CSMD3: variants seen among roughly 807,000 people sequenced by gnomAD.
The protein encoded by CSMD3 is CUB and sushi domain-containing protein 3.
Under a neutral mutation model 435.2 loss-of-function variants are expected in CSMD3, and 177 were observed. The ratio of observed to expected loss-of-function variants is 0.41; its 90% CI spans 0.36 to 0.46. CSMD3 has a LOEUF of 0.46. CSMD3 is among the 20% of genes least tolerant of loss of function. CSMD3 has a pLI of 0.34. For missense variants in CSMD3, 4,265 were observed against 4,504.6 expected, an observed-to-expected ratio of 0.95 and a Z score of 1.52; for synonymous variants, 1,656 against 1,520.5, an observed-to-expected ratio of 1.09 and a Z score of -2.07.
intron 4 of CSMD3, among the ~76,000 whole-genome samples, chr8:113,105,258 G>T (rs1410296901): frequency 6.6e-5 from 10 of 152,048 alleles, no homozygotes. Flanking sequence ...ATCTAAGAGA[G>T]GAGAAAAACT....
chr8:113,084,622 CAAA>C (rs35078367), intron 5 of CSMD3, among the ~76,000 whole-genome samples: 9,067 of 117,810 alleles, frequency 0.077, 383 homozygotes, highest in Non-Finnish European at 0.11. Flanking sequence ...TGAATGGAAC[CAAA>C]AAAAAAAAAA....
chr8:112,243,826 C>T (rs1188036022), intron 65 of CSMD3, among the ~76,000 whole-genome samples: 2 of 151,990 alleles, frequency 1.3e-5, no homozygotes, highest in Non-Finnish European at 2.9e-5. Context: ...TTAGGCTGAA[C>T]CCCAAATACA....
intron 10 of CSMD3, among the ~76,000 whole-genome samples, chr8:112,884,710 C>T (rs531974288): frequency 3.3e-5 from 5 of 151,000 alleles, no homozygotes; most frequent in Admixed American, 6.6e-5. Flanking sequence ...TTAATTTTTG[C>T]TTATCTCCTT....
intron 16 of CSMD3, among the ~76,000 whole-genome samples, chr8:112,671,527 T>A (rs897875292): frequency 3.3e-5 from 5 of 152,004 alleles, no homozygotes; most frequent in African/African-American, 1.2e-4. Flanking sequence ...TTCAAAGGAG[T>A]TGAGTTCAAT....
chr8:112,826,385 T>G (rs933381075), intron 12 of CSMD3, among the ~76,000 whole-genome samples: 1 of 152,150 alleles, frequency 6.6e-6, no homozygotes, highest in Non-Finnish European at 1.5e-5. Flanking sequence ...TCGGCAGGCT[T>G]AAGCAGATTC....
At chr8:113,227,975 T>C (rs2093046312) in intron 3 of CSMD3, among the ~76,000 whole-genome samples, 1 of 151,594 alleles carries the variant, frequency 6.6e-6, no homozygotes, top group Non-Finnish European at 1.5e-5. Flanking sequence ...AAGTCAAAAT[T>C]AGAAGTCACA....
intron 32 of CSMD3, among the ~76,000 whole-genome samples, chr8:112,427,318 T>A (rs1813166488): frequency 6.6e-6 from 1 of 152,148 alleles, no homozygotes; most frequent in Non-Finnish European, 1.5e-5. Flanking sequence ...CCATGTGTCA[T>A]GGGAGGGACC....
chr8:112,362,179 G>A (rs1441986891), intron 38 of CSMD3, among the ~76,000 whole-genome samples: 1 of 151,868 alleles, frequency 6.6e-6, no homozygotes, highest in Non-Finnish European at 1.5e-5. Context: ...TCTGGCTTAA[G>A]GTACCTCAGA....
At chr8:113,301,181 G>A (rs925933935) in intron 2 of CSMD3, among the ~76,000 whole-genome samples, 3 of 152,046 alleles carry the variant, frequency 2.0e-5, no homozygotes, top group African/African-American at 7.2e-5. Context: ...GAGAGGATGG[G>A]ATACAAATGA....
At chr8:112,636,538 TTCTATCTATCTATCTATCTATCTA>T (rs5894094) in intron 22 of CSMD3, among the ~76,000 whole-genome samples, 189 of 149,454 alleles carry the variant, frequency 1.3e-3, no homozygotes, top group African/African-American at 4.2e-3. Context: ...TCTATCATAT[TTCTATCTATCTATCTATCTATCTA>T]TCTATCTATC....
chr8:112,375,801 T>C (rs1194984211), intron 38 of CSMD3, among the ~76,000 whole-genome samples: 1 of 152,200 alleles, frequency 6.6e-6, no homozygotes, highest in Admixed American at 6.6e-5. Flanking sequence ...GTATTATGAA[T>C]GACTATCAAA....
At chr8:112,307,417 G>A (rs1821542243) in intron 50 of CSMD3, among the ~76,000 whole-genome samples, 1 of 151,960 alleles carries the variant, frequency 6.6e-6, no homozygotes, top group Non-Finnish European at 1.5e-5. Flanking sequence ...GAGTATCTGG[G>A]ACTACAGGCA....
intron 5 of CSMD3, among the ~76,000 whole-genome samples, chr8:113,065,737 T>G (rs2088827311): frequency 6.6e-6 from 1 of 152,146 alleles, no homozygotes; most frequent in South Asian, 2.1e-4. Context: ...CATATGTCAT[T>G]CCTTCAGACC....
At chr8:113,040,177 G>C (rs1036769451) in intron 5 of CSMD3, among the ~76,000 whole-genome samples, 1 of 152,268 alleles carries the variant, frequency 6.6e-6, no homozygotes, top group Admixed American at 6.5e-5. Context: ...GTAGTTATAT[G>C]AGATATATCA....
chr8:113,043,032 A>G (rs565687876), intron 5 of CSMD3, among the ~76,000 whole-genome samples: 32 of 152,338 alleles, frequency 2.1e-4, no homozygotes, highest in Admixed American at 2.0e-3. Context: ...TTATTATAAT[A>G]GCATCCTAAC....
At chr8:112,290,395 G>C (rs1819646788) in intron 56 of CSMD3, among the ~76,000 whole-genome samples, 1 of 151,970 alleles carries the variant, frequency 6.6e-6, no homozygotes, top group Non-Finnish European at 1.5e-5. Context: ...AGAACTTCAG[G>C]TTTACAAGTC....
At position 112,340,605 on chromosome 8, in the gene CSMD3, A is replaced by T. The variant is rs990529073; in HGVS notation, c.6652+872T>A. On this transcript the variant is annotated intron_variant, in intron 42 of 70. Transcript: ENST00000297405. ...TAGGGCAGAGATGTAATAACATTTT[A>T]GTTTATTTTGATTAAAAATTTCAGC... 2.0e-5 allele frequency among the ~76,000 whole-genome samples: 3 copies of T among 152,144 alleles called. No individual in the cohort carries two copies. The East Asian group carries it at 5.8e-4, about 29-fold the overall frequency.
intron 5 of CSMD3, among the ~76,000 whole-genome samples, chr8:113,094,820 C>T (rs1202531126): frequency 6.6e-6 from 1 of 151,980 alleles, no homozygotes; most frequent in Non-Finnish European, 1.5e-5. Context: ...GCCTGTAATC[C>T]CAGCACTTTG....
chr8:112,333,407 T>A (rs940978641), intron 45 of CSMD3, among the ~76,000 whole-genome samples: 1 of 152,138 alleles, frequency 6.6e-6, no homozygotes, highest in Non-Finnish European at 1.5e-5. Flanking sequence ...CCTCAGGTAA[T>A]CCACCTGCCT....
Sources: allele counts gnomAD v4.1 joint callset (sites outside exome capture counted in the v4.1 genomes callset), GRCh38; gene constraint gnomAD v4.1.1; transcripts MANE v1.5; gene names NCBI Gene and HGNC (gene_info 2026-07-23, HGNC 2026-07-21).